Variants in NMNAT3 observed in about 807,000 individuals in gnomAD.
NMNAT3 encodes the protein nicotinamide nucleotide adenylyltransferase 3.
Under a neutral mutation model 24.8 loss-of-function variants are expected in NMNAT3, and 21 were observed. That is an observed-to-expected ratio of 0.85 (90% CI 0.60 to 1.22). The LOEUF is 1.22. NMNAT3 is among the 50% of genes most tolerant of loss of function. NMNAT3 has a pLI of 0.00. For missense variants in NMNAT3, 387 were observed against 436.6 expected, an observed-to-expected ratio of 0.89 and a Z score of 1.01; for synonymous variants, 136 against 155.2, an observed-to-expected ratio of 0.88 and a Z score of 0.92.
intron 4 of NMNAT3, among the ~76,000 whole-genome samples, chr3:139,579,761 G>C (rs1939892303): frequency 6.6e-6 from 1 of 152,176 alleles, no homozygotes; most frequent in African/African-American, 2.4e-5. Flanking sequence ...AGCTAGCCTA[G>C]TCTATCTTGA....
chr3:139,669,297 A>T (rs1178936676), intron 1 of NMNAT3, among the ~76,000 whole-genome samples: 1 of 151,530 alleles, frequency 6.6e-6, no homozygotes, highest in Non-Finnish European at 1.5e-5. Flanking sequence ...ATATGGTGAA[A>T]CCCCATCTCT....
At chr3:139,567,001 A>C (rs1439531698) in intron 6 of NMNAT3, 2 of 151,630 alleles carry the variant, frequency 1.3e-5, no homozygotes, top group African/African-American at 4.8e-5. Context: ...ATGAGCATGG[A>C]ATGTTCTTCC....
chr3:139,614,877 T>TA (rs1388506449), intron 3 of NMNAT3, among the ~76,000 whole-genome samples: 1 of 152,260 alleles, frequency 6.6e-6, no homozygotes, highest in Non-Finnish European at 1.5e-5. Context: ...GATTCATTAG[T>TA]GATTCTTGCA....
chr3:139,647,188 A>C (rs914558615), intron 1 of NMNAT3, among the ~76,000 whole-genome samples: 1 of 152,232 alleles, frequency 6.6e-6, no homozygotes, highest in Non-Finnish European at 1.5e-5. Context: ...ACAGTTGTGC[A>C]TGCAATTCAT....
intron 3 of NMNAT3, among the ~76,000 whole-genome samples, chr3:139,593,958 A>C (rs1315015724): frequency 2.0e-5 from 3 of 150,258 alleles, no homozygotes; most frequent in African/African-American, 7.3e-5. Flanking sequence ...AAATAACTAA[A>C]ATCAGAGCAG....
At chr3:139,621,305 T>A (rs182807623) in intron 3 of NMNAT3, among the ~76,000 whole-genome samples, 43 of 152,350 alleles carry the variant, frequency 2.8e-4, no homozygotes, top group African/African-American at 1.0e-3. Context: ...ATACTAATAT[T>A]TCATCCATAT....
intron 6 of NMNAT3, chr3:139,567,180 G>C (rs1937368031): frequency 6.6e-6 from 1 of 152,162 alleles, no homozygotes; most frequent in Non-Finnish European, 1.5e-5. Context: ...TGGTGTATAA[G>C]AATGCTTGTG....
In NMNAT3 at chr3:139,571,675, G is replaced by A. The variant is rs773794578; in HGVS notation, c.658+1923C>T. 1.2e-4 allele frequency among the ~76,000 whole-genome samples: 18 copies of A among 152,142 alleles called. No individual in the cohort carries two copies. In the South Asian group the frequency reaches 1.9e-3, roughly 16 times the overall value. The stretch of plus-strand genomic sequence containing the variant: ...AGAACCTGGAGTGGGCTTTGGCAGA[G>A]GGAGAGAGTTCATATTAATGAGAGC... On this transcript the variant is annotated intron_variant, in intron 6 of 6. Transcript: ENST00000643695.
intron 5 of NMNAT3, among the ~76,000 whole-genome samples, chr3:139,577,272 A>G (rs1939469365): frequency 6.6e-6 from 1 of 152,184 alleles, no homozygotes; most frequent in African/African-American, 2.4e-5. Context: ...TTGAGGACAA[A>G]TTATGGGCCA....
At chr3:139,625,330 T>G (rs1344119277) in intron 3 of NMNAT3, among the ~76,000 whole-genome samples, 1 of 152,226 alleles carries the variant, frequency 6.6e-6, no homozygotes, top group Non-Finnish European at 1.5e-5. Context: ...ATATTTAATG[T>G]GATTATTGAT....
At chr3:139,631,199 G>A (rs977388379) in intron 2 of NMNAT3, among the ~76,000 whole-genome samples, 3 of 152,134 alleles carry the variant, frequency 2.0e-5, no homozygotes, top group Non-Finnish European at 4.4e-5. Context: ...ATCGCAGGCT[G>A]AAGGACACAG....
At chr3:139,575,696 C>T (rs760543791) in intron 5 of NMNAT3, 46 of 1,024,990 alleles carry the variant, frequency 4.5e-5, no homozygotes, top group East Asian at 1.9e-4. Flanking sequence ...ACTTCCACTG[C>T]GCCTCTATGG....
intron 6 of NMNAT3, chr3:139,568,309 T>C (rs1199321020): frequency 6.6e-6 from 1 of 152,230 alleles, no homozygotes; most frequent in Non-Finnish European, 1.5e-5. Context: ...GATTCATTAC[T>C]TTTTTGAAGG....
At position 139,616,774 on chromosome 3, in the gene NMNAT3, C is replaced by G. The variant is rs185456295; in HGVS notation, c.109+10842G>C. On this transcript the variant is annotated intron_variant, in intron 3 of 6. Coordinates refer to ENST00000643695, the MANE Select transcript of NMNAT3 (RefSeq NM_001320510.2). ...TCTCTTCATCCACTCTTCTCTCTCT[C>G]TGTGTGTGTGTGTATGTGCTGCAGG... Among the ~76,000 whole-genome samples the G allele has an allele frequency of 1.6e-3, 249 of 151,994 alleles. 1 individual carries two copies. The East Asian group carries it at 0.027, about 16-fold the overall frequency.
At chr3:139,573,351 G>A (rs1938730053) in intron 6 of NMNAT3, among the ~76,000 whole-genome samples, 1 of 152,158 alleles carries the variant, frequency 6.6e-6, no homozygotes, top group Admixed American at 6.5e-5. Flanking sequence ...AGTCACAAGG[G>A]TAGGTAAACT....
chr3:139,597,750 C>T (rs896931915), intron 3 of NMNAT3, among the ~76,000 whole-genome samples: 2 of 152,168 alleles, frequency 1.3e-5, no homozygotes, highest in Admixed American at 6.5e-5. Flanking sequence ...CTTGCTTTGA[C>T]CAATGGGATA....
chr3:139,566,688 T>C (rs1256371483), intron 6 of NMNAT3: 5 of 152,218 alleles, frequency 3.3e-5, no homozygotes, highest in African/African-American at 1.2e-4. Flanking sequence ...GGTGGCATTA[T>C]TTCTGAGGGC....
Position 139,569,671 on chromosome 3 carries a change from T to C in NMNAT3, c.658+3927A>G, listed in dbSNP as rs536990666. 4.5e-4 allele frequency: 68 copies of C among 152,306 alleles called. 1 individual carries two copies. The highest frequency in any genetic ancestry group is 1.2e-3 in the South Asian group (6 of 4,810). The allele number at this position is 152,306 out of a possible 1,614,324, so 9.4% of individuals were successfully genotyped here. ...TCTTTAAGAATGTTGAATATTGGTC[T>C]CCACTCTCTTCTGGCTTGTAGAGTT... On this transcript the variant is annotated intron_variant, in intron 6 of 6. Transcript: ENST00000643695.
rs2107970370 is a variant in NMNAT3, at chr3:139,561,193, G to C, written c.858C>G (p.Ala286=). The change falls in exon 7 of 7, where the codon GCC becomes GCG. Residue 286 remains alanine (A), a synonymous_variant. Coordinates refer to ENST00000643695, the MANE Select transcript of NMNAT3 (RefSeq NM_001320510.2). ...TGATCTCATTCTGCACAGGCTCCTT[G>C]GCCAGGTGAATGTTGTGCTGGTGCA... The C allele has an allele frequency of 6.2e-7, 1 of 1,614,154 alleles. No homozygotes were observed. Among genetic ancestry groups the C allele is most frequent in the East Asian group, 2.2e-5 (1 of 44,882 alleles).
Sources: gnomAD v4.1 joint callset for allele counts (sites outside exome capture counted in the v4.1 genomes callset) on GRCh38, gnomAD v4.1.1 for gene constraint, MANE v1.5 for transcripts, NCBI Gene and HGNC (gene_info 2026-07-23, HGNC 2026-07-21) for gene names.